The following AFAP1 variants were observed in gnomAD, a reference collection of about 807,000 sequenced individuals.
AFAP1 encodes the protein actin filament-associated protein 1.
Under a neutral mutation model 93.9 loss-of-function variants are expected in AFAP1, and 75 were observed. That is an observed-to-expected ratio of 0.80 (90% CI 0.66 to 0.97). AFAP1 has a LOEUF of 0.97. AFAP1 is among the 50% of genes least tolerant of loss of function. The pLI is 0.00. For synonymous variants in AFAP1, 517 were observed against 430.7 expected (o/e 1.20, Z -2.48); for missense variants, 1,201 against 1,050.8 (o/e 1.14, Z -1.98).
chr4:7,795,743 T>C (rs964034207), intron 10 of AFAP1, among the ~76,000 whole-genome samples: 1 of 152,208 alleles, frequency 6.6e-6, no homozygotes, highest in Non-Finnish European at 1.5e-5. Context: ...GTATCCATGA[T>C]TAATCTATAC....
intron 6 of AFAP1, among the ~76,000 whole-genome samples, chr4:7,824,474 C>T (rs1375137353): frequency 1.3e-5 from 2 of 152,010 alleles, no homozygotes; most frequent in African/African-American, 4.8e-5. Context: ...TCAAGAACCA[C>T]TAGTAATGGA....
intron 2 of AFAP1, among the ~76,000 whole-genome samples, chr4:7,870,890 A>G (rs147235877): frequency 6.6e-6 from 1 of 152,318 alleles, no homozygotes; most frequent in East Asian, 1.9e-4. Flanking sequence ...GTAAAAGTAT[A>G]AATGAACTGT....
At chr4:7,841,646 A>G (rs951848031) in intron 5 of AFAP1, among the ~76,000 whole-genome samples, 1 of 152,174 alleles carries the variant, frequency 6.6e-6, no homozygotes, top group Admixed American at 6.5e-5. Flanking sequence ...TTTTATGCCA[A>G]TGGGGGTCAT....
At position 7,813,449 on chromosome 4, in the gene AFAP1, T is replaced by A. The variant is rs140790392; in HGVS notation, c.904+2569A>T. On this transcript the variant is annotated intron_variant, in intron 8 of 17. Coordinates refer to ENST00000420658, the MANE Select transcript of AFAP1 (RefSeq NM_001134647.2). ...TTGTTAAGAGGAAACAGGAGAATTT[T>A]AAATACAGATATATTTGCTTACAAG... Among the ~76,000 whole-genome samples, 1,191 of 152,364 alleles carry A rather than the reference T, an allele frequency of 7.8e-3. 8 individuals carry two copies. The highest frequency in any genetic ancestry group is 0.02 in the Middle Eastern group (6 of 294).
intron 4 of AFAP1, among the ~76,000 whole-genome samples, chr4:7,846,013 A>G (rs1398467701): frequency 1.3e-5 from 2 of 152,212 alleles, no homozygotes; most frequent in Non-Finnish European, 2.9e-5. Flanking sequence ...AGGCCTTGAG[A>G]CAAGCTATTG....
At chr4:7,908,572 G>A (rs1428035864) in intron 1 of AFAP1, among the ~76,000 whole-genome samples, 1 of 152,222 alleles carries the variant, frequency 6.6e-6, no homozygotes, top group East Asian at 1.9e-4. Context: ...TTTATCTTGT[G>A]TTCTGCTAGA....
intron 14 of AFAP1, 53 bp from the exon 15 acceptor site, chr4:7,774,956 A>C: frequency 6.3e-7 from 1 of 1,583,890 alleles, no homozygotes; most frequent in Non-Finnish European, 8.6e-7. Flanking sequence ...AGCCTGGGAA[A>C]TATGGGACGA....
chr4:7,876,916 T>C (rs981850329), intron 1 of AFAP1, among the ~76,000 whole-genome samples: 1 of 152,196 alleles, frequency 6.6e-6, no homozygotes, highest in Admixed American at 6.5e-5. Flanking sequence ...AAATAAACCA[T>C]ATTTTCTACT....
chr4:7,766,711 C>T lies in AFAP1; in HGVS notation c.2418+2133G>A, dbSNP rs561471738. 7.2e-5 allele frequency among the ~76,000 whole-genome samples: 11 copies of T among 152,262 alleles called. 1 individual carries two copies. Among genetic ancestry groups the T allele is most frequent in the African/African-American group, 2.2e-4 (9 of 41,562 alleles). ...CTGGAGCAGCCCAGCGCCTGCCCCTCGGGCACCTCCCAGAGCAGAGCCACA... is the reference window on the plus strand; with the variant it reads ...CTGGAGCAGCCCAGCGCCTGCCCCTTGGGCACCTCCCAGAGCAGAGCCACA... On this transcript the variant is annotated intron_variant, in intron 17 of 17. Transcript: ENST00000420658.
intron 1 of AFAP1, among the ~76,000 whole-genome samples, chr4:7,935,091 A>G (rs533712789): frequency 2.0e-5 from 3 of 152,252 alleles, no homozygotes; most frequent in Non-Finnish European, 4.4e-5. Flanking sequence ...ACTTCTCTGT[A>G]CATTAAACAT....
At chr4:7,879,028 T>TAAAC in intron 1 of AFAP1, among the ~76,000 whole-genome samples, 3 of 152,314 alleles carry the variant, frequency 2.0e-5, no homozygotes, top group African/African-American at 7.2e-5. Flanking sequence ...TTGACATGTT[T>TAAAC]ATTTTACTAA....
chr4:7,872,317 C>T (rs1359590084), intron 1 of AFAP1: 3 of 432,516 alleles, frequency 6.9e-6, no homozygotes, highest in Non-Finnish European at 1.2e-5. Flanking sequence ...CTGGGAGAAG[C>T]TCCAAAGCCA....
chr4:7,862,828 C>G (rs573942958), intron 3 of AFAP1, among the ~76,000 whole-genome samples: 1 of 152,276 alleles, frequency 6.6e-6, no homozygotes, highest in Non-Finnish European at 1.5e-5. Context: ...AGGAGTCTAG[C>G]TTGCCCTTTT....
rs778849284 is a variant in AFAP1, at chr4:7,777,296, G to A, written c.1897+1466C>T. 3 of 152,226 alleles carry A rather than the reference G, an allele frequency of 2.0e-5. No individual in the cohort carries two copies. In the East Asian group the frequency reaches 5.8e-4, roughly 29 times the overall value. The allele number at this position is 152,226 out of a possible 1,614,324, so 9.4% of individuals were successfully genotyped here. On this transcript the variant is annotated intron_variant, in intron 14 of 17. Coordinates refer to ENST00000420658, the MANE Select transcript of AFAP1 (RefSeq NM_001134647.2). The stretch of plus-strand genomic sequence containing the variant: ...TAGTACATTAAACAAATGGTGGTAG[G>A]AGGGAGGATTTGGCCCAACTGGCTC...
chr4:7,772,955 G>A lies in AFAP1; in HGVS notation c.2118C>T (p.Cys706=), dbSNP rs374689126. The part of the protein sequence containing the change: ...EEKLKQLEEE[C]RQKEAERVSL... Reference sequence around the variant, plus strand: ...TGACACGCTCCGCCTCCTTCTGCCGGCACTCCTCCTCCAGCTGCTTCAGCT... The same window carrying A: ...TGACACGCTCCGCCTCCTTCTGCCGACACTCCTCCTCCAGCTGCTTCAGCT... Residue 706 remains cysteine, a synonymous_variant, in exon 16 of 18, where the codon TGC becomes TGT. Transcript: ENST00000420658. 4.2e-5 allele frequency: 68 copies of A among 1,613,140 alleles called. No individual in the cohort carries two copies. In the East Asian group the frequency reaches 1.2e-3, roughly 30 times the overall value.
At position 7,927,516 on chromosome 4, in the gene AFAP1, T is replaced by C. The variant is rs541339506; in HGVS notation, c.-3+12140A>G. 3.4e-4 allele frequency among the ~76,000 whole-genome samples: 52 copies of C among 152,290 alleles called. 1 individual carries two copies. The highest frequency in any genetic ancestry group is 1.2e-3 in the African/African-American group (51 of 41,576). Reference sequence around the variant, plus strand: ...ACGGACACGTATTGAACACAGTAACTTAGCAATTAGTAAATACACTCACAC... The same window carrying C: ...ACGGACACGTATTGAACACAGTAACCTAGCAATTAGTAAATACACTCACAC... On this transcript the variant is annotated intron_variant, in intron 1 of 17. Transcript: ENST00000420658.
chr4:7,880,347 T>C (rs1024997675), intron 1 of AFAP1, among the ~76,000 whole-genome samples: 1 of 148,434 alleles, frequency 6.7e-6, no homozygotes, highest in Non-Finnish European at 1.5e-5. Flanking sequence ...TGGCATAATC[T>C]TGGCTCACTG....
chr4:7,786,516 A>C (rs905010335), intron 11 of AFAP1, among the ~76,000 whole-genome samples: 60 of 152,258 alleles, frequency 3.9e-4, no homozygotes, highest in African/African-American at 1.4e-3. Flanking sequence ...CATAATCTGC[A>C]GAACTGCGGC....
chr4:7,862,835 T>C (rs936651761), intron 3 of AFAP1, among the ~76,000 whole-genome samples: 37 of 152,166 alleles, frequency 2.4e-4, no homozygotes, highest in African/African-American at 8.9e-4. Context: ...TAGCTTGCCC[T>C]TTTTTCTCCT....
Sources: gnomAD v4.1 joint callset for allele counts (sites outside exome capture counted in the v4.1 genomes callset) on GRCh38, gnomAD v4.1.1 for gene constraint, MANE v1.5 for transcripts, NCBI Gene and HGNC (gene_info 2026-07-23, HGNC 2026-07-21) for gene names.